The following NICN1 variants were observed in gnomAD, a reference collection of about 807,000 sequenced individuals.
The protein encoded by NICN1 is nicolin-1.
Under a neutral mutation model 26.3 loss-of-function variants are expected in NICN1, and 18 were observed. The observed-to-expected ratio is 0.68, with a 90% confidence interval of 0.47 to 1.01. NICN1 has a LOEUF of 1.01. Ranked by LOEUF, NICN1 falls within the 50% of genes least tolerant of loss-of-function variation. NICN1 has a pLI of 0.00. For synonymous variants in NICN1, 109 were observed against 111.0 expected, an observed-to-expected ratio of 0.98 and a Z score of 0.11; for missense variants, 239 against 278.3, an observed-to-expected ratio of 0.86 and a Z score of 1.00.
rs143070868 is a variant in NICN1 at position 49,425,024 on chromosome 3, G to A, written c.525C>T (p.Ser175=). Residue 175 remains serine, a synonymous_variant, in exon 5 of 6, where the codon TCC becomes TCT. Transcript: ENST00000273598. ...TCAGTGCCCACATCTGCTGCACCTCGGAGGATACCCTGCTGGGGTCTGGGA... is the reference window on the plus strand; with the variant it reads ...TCAGTGCCCACATCTGCTGCACCTCAGAGGATACCCTGCTGGGGTCTGGGA... ...EGLPDPSRVS[S]EVQQMWALTE... is the part of the protein sequence containing the mutation. The A allele has an allele frequency of 6.4e-5, 104 of 1,613,956 alleles. 1 individual carries two copies. The East Asian group carries it at 1.8e-3, about 28-fold the overall frequency.
rs1254396511 is a variant in NICN1, at chr3:49,422,615, G to A, written c.*2218C>T. The A allele has an allele frequency of 1.3e-6, 1 of 764,592 alleles. No homozygotes were observed. The highest frequency in any genetic ancestry group is 2.3e-6 in the Non-Finnish European group (1 of 440,872). 47.4% of individuals were successfully genotyped at this position (764,592 alleles called of 1,614,324 possible). A position where few individuals can be genotyped will look rare whatever the true frequency, so the allele number is the denominator to read the frequency against. On this transcript the variant is annotated 3_prime_UTR_variant, in exon 6 of 6. Transcript: ENST00000273598. ...CAGGCTGGGATTTAGAGCAGAGAAT[G>A]CAGGAACCCGCAACCACAGGGAAGA...
Position 49,426,291 on chromosome 3 carries a change from C to T in NICN1, c.270G>A (p.Glu90=), listed in dbSNP as rs375129456. The change falls in exon 2 of 6, where the codon GAG becomes GAA. Residue 90 remains glutamate, a synonymous_variant. Coordinates refer to ENST00000273598, the MANE Select transcript of NICN1 (RefSeq NM_032316.3). ...DYCLMPDPHS[E]EGAQEYVSLF... is the part of the protein sequence containing the mutation. ...GCGATACATACTCCTGGGCTCCCTC[C>T]TCACTGTGTGGGTCAGGCATTAGGC... The T allele has an allele frequency of 1.2e-6, 2 of 1,614,108 alleles. No homozygotes were observed. Among genetic ancestry groups the T allele is most frequent in the Admixed American group, 1.7e-5 (1 of 59,996 alleles).
chr3:49,427,511 C>T (rs1317484864), intron 1 of NICN1, among the ~76,000 whole-genome samples: 9 of 150,544 alleles, frequency 6.0e-5, no homozygotes, highest in Non-Finnish European at 1.2e-4. Flanking sequence ...AGCGTGGTGG[C>T]GCATGCCTGT....
In NICN1 at chr3:49,424,653, G is replaced by A. The variant is rs1017471742; in HGVS notation, c.*180C>T. The stretch of plus-strand genomic sequence containing the variant: ...CGAAGACAGAGCACCCCCATGCCAG[G>A]AGCTCATGCTGAAGTAACACGGTAA... On this transcript the variant is annotated 3_prime_UTR_variant, in exon 6 of 6. Transcript: ENST00000273598. 1.1e-5 allele frequency: 7 copies of A among 633,824 alleles called. No individual in the cohort carries two copies. The African/African-American group carries it at 1.3e-4, about 12-fold the overall frequency. The allele number at this position is 633,824 out of a possible 1,614,324, so 39.3% of individuals were successfully genotyped here.
intron 1 of NICN1, among the ~76,000 whole-genome samples, chr3:49,428,081 G>A (rs574927111): frequency 2.0e-5 from 3 of 152,174 alleles, no homozygotes; most frequent in Admixed American, 1.3e-4. Context: ...TTAGCCGGGC[G>A]TGATGGTGGG....
intron 1 of NICN1, among the ~76,000 whole-genome samples, 185 bp downstream of exon 1, chr3:49,428,923 C>G (rs993764878): frequency 6.6e-6 from 1 of 152,154 alleles, no homozygotes; most frequent in African/African-American, 2.4e-5. Flanking sequence ...GAGAACAAGA[C>G]AGGAAGCTCA....
chr3:49,425,574 G>A lies in NICN1; in HGVS notation c.424-136C>T, dbSNP rs936663561. On this transcript the variant is annotated intron_variant, in intron 3 of 5. Coordinates refer to ENST00000273598, the MANE Select transcript of NICN1 (RefSeq NM_032316.3). ...AAACCCTGTTTAGGGAGCCCACAGA[G>A]ACCTAAAGAGGCAGTCAGACTACCT... is the stretch of plus-strand genomic sequence containing the variant. 8 of 678,220 alleles carry A rather than the reference G, an allele frequency of 1.2e-5. 1 individual carries two copies. The Admixed American group carries it at 2.1e-4, about 18-fold the overall frequency. 42.0% of individuals were successfully genotyped at this position (678,220 alleles called of 1,614,324 possible). A position where few individuals can be genotyped will look rare whatever the true frequency, so the allele number is the denominator to read the frequency against.
At position 49,423,642 on chromosome 3, in the gene NICN1, GCTAC is replaced by G. The variant is rs1390126733; in HGVS notation, c.*1187_*1190del. ...ATGGTGATGCATGACTGTAATCCCA[GCTAC>G]TCGGGAGACTGAGGCAGGAGAATTG... On this transcript the variant is annotated 3_prime_UTR_variant, in exon 6 of 6. Coordinates refer to ENST00000273598, the MANE Select transcript of NICN1 (RefSeq NM_032316.3). 6.6e-6 allele frequency: 1 copy of G among 152,112 alleles called. No homozygotes were observed. The highest frequency in any genetic ancestry group is 1.5e-5 in the Non-Finnish European group (1 of 68,068). The allele number at this position is 152,112 out of a possible 1,614,324, so 9.4% of individuals were successfully genotyped here. A position where few individuals can be genotyped will look rare whatever the true frequency, so the allele number is the denominator to read the frequency against.
chr3:49,427,947 C>T (rs2049188483), intron 1 of NICN1, among the ~76,000 whole-genome samples: 1 of 152,062 alleles, frequency 6.6e-6, no homozygotes, highest in Non-Finnish European at 1.5e-5. Flanking sequence ...CACAAAGCTC[C>T]TGAGACAAGA....
At position 49,423,780 on chromosome 3, in the gene NICN1, G is replaced by T. The variant is rs2049145450; in HGVS notation, c.*1053C>A. 6.6e-6 allele frequency: 1 copy of T among 152,056 alleles called. No homozygotes were observed. The highest frequency in any genetic ancestry group is 2.4e-5 in the African/African-American group (1 of 41,380). 9.4% of individuals were successfully genotyped at this position (152,056 alleles called of 1,614,324 possible). On this transcript the variant is annotated 3_prime_UTR_variant, in exon 6 of 6. Coordinates refer to ENST00000273598, the MANE Select transcript of NICN1 (RefSeq NM_032316.3). ...TCAAAAAAAACAACAAAAAAGGAGAGGGGCAACTGGGAGAAAGGATAGAGA... is the reference window on the plus strand; with the variant it reads ...TCAAAAAAAACAACAAAAAAGGAGATGGGCAACTGGGAGAAAGGATAGAGA...
chr3:49,428,998 A>G (rs1575313636), intron 1 of NICN1, 110 bp downstream of exon 1: 1 of 1,047,106 alleles, frequency 9.6e-7, no homozygotes, highest in Non-Finnish European at 1.4e-6. Flanking sequence ...TTGCAAGGGC[A>G]AGGAAGACGG....
At chr3:49,425,219 T>C (rs2049161167) in intron 4 of NICN1, 148 bp downstream of exon 4, 3 of 821,982 alleles carry the variant, frequency 3.6e-6, no homozygotes, top group Non-Finnish European at 2.0e-6. Flanking sequence ...ACAACAGAGA[T>C]GCCTCAAATC....
chr3:49,425,460 C>T, intron 3 of NICN1, 22 bp from the exon 4 acceptor site: 1 of 1,590,326 alleles, frequency 6.3e-7, no homozygotes. Flanking sequence ...AGATGTACTG[C>T]CCTGAGTGAG....
At position 49,422,885 on chromosome 3, in the gene NICN1, C is replaced by T. The variant is rs2049136046; in HGVS notation, c.*1948G>A. 4 of 322,696 alleles carry T rather than the reference C, an allele frequency of 1.2e-5. No homozygotes were observed. The Admixed American group carries it at 1.7e-4, about 13-fold the overall frequency. 20.0% of individuals were successfully genotyped at this position (322,696 alleles called of 1,614,324 possible). A position where few individuals can be genotyped will look rare whatever the true frequency, so the allele number is the denominator to read the frequency against. On this transcript the variant is annotated 3_prime_UTR_variant, in exon 6 of 6. Coordinates refer to ENST00000273598, the MANE Select transcript of NICN1 (RefSeq NM_032316.3). ...GTAGGCAGCACCACAGTAGTCTGTC[C>T]TCATGTGGACCCCTAGTTCCACAGC...
chr3:49,427,644 G>GGAAA (rs1559532915), intron 1 of NICN1, among the ~76,000 whole-genome samples: 1 of 102,822 alleles, frequency 9.7e-6, no homozygotes. Flanking sequence ...CTACCTCTCA[G>GGAAA]AAAAAAAAAA....
In NICN1 at chr3:49,422,942, G is replaced by C. The variant is rs4987107; in HGVS notation, c.*1891C>G. On this transcript the variant is annotated 3_prime_UTR_variant, in exon 6 of 6. Coordinates refer to ENST00000273598, the MANE Select transcript of NICN1 (RefSeq NM_032316.3). The stretch of plus-strand genomic sequence containing the variant: ...ACCAGGCAGACACAGGCAGCCAGCA[G>C]TCATGCATTCCACAAGTATTTATTG... 0.032 allele frequency: 9,118 copies of C among 284,788 alleles called. 1,122 individuals carry two copies. The highest frequency in any genetic ancestry group is 0.26 in the East Asian group (3,013 of 11,444). The allele number at this position is 284,788 out of a possible 1,614,324, so 17.6% of individuals were successfully genotyped here.
chr3:49,429,055 T>G (rs2049197574), intron 1 of NICN1, 53 bp downstream of exon 1: 1 of 1,519,548 alleles, frequency 6.6e-7, no homozygotes, highest in Non-Finnish European at 8.9e-7. Context: ...ACGACCGAGA[T>G]TCCAGGTCGG....
chr3:49,425,502 A>G, intron 3 of NICN1, 64 bp from the exon 4 acceptor site: 1 of 1,365,794 alleles, frequency 7.3e-7, no homozygotes, highest in Non-Finnish European at 1.0e-6. Context: ...CCAGATTCCA[A>G]GGTCCTAGGA....
chr3:49,426,226 C>T, intron 2 of NICN1, 26 bp downstream of exon 2: 7 of 1,611,038 alleles, frequency 4.3e-6, no homozygotes, highest in South Asian at 3.3e-5. Flanking sequence ...TCTGGGCTGC[C>T]CTGGCCATCC....
Sources: gnomAD v4.1 joint callset for allele counts (sites outside exome capture counted in the v4.1 genomes callset) on GRCh38, gnomAD v4.1.1 for gene constraint, MANE v1.5 for transcripts, NCBI Gene and HGNC (gene_info 2026-07-23, HGNC 2026-07-21) for gene names.